SRP54: variants seen among roughly 807,000 people sequenced by gnomAD.
SRP54 encodes signal recognition particle 54, also known as signal recognition particle subunit SRP54.
A neutral mutation model predicts 64.8 loss-of-function variants in SRP54; 10 were observed. That is an observed-to-expected ratio of 0.15 (90% CI 0.10 to 0.26). The LOEUF is 0.26. Ranked by LOEUF, SRP54 falls within the 10% of genes least tolerant of loss-of-function variation. The pLI is 1.00. For missense variants in SRP54, 325 were observed against 613.7 expected, an observed-to-expected ratio of 0.53 and a Z score of 4.97; for synonymous variants, 193 against 185.6, an observed-to-expected ratio of 1.04 and a Z score of -0.32.
chr14:35,025,159 T>C (rs1286291255), intron 14 of SRP54, among the ~76,000 whole-genome samples: 3 of 152,242 alleles, frequency 2.0e-5, no homozygotes, highest in African/African-American at 4.8e-5. Context: ...GTCCTCTTTT[T>C]GATTTTTTTC....
Position 35,016,831 on chromosome 14 carries a change from CT to C in SRP54, c.974-1853del, listed in dbSNP as rs1196419256. Among the ~76,000 whole-genome samples the C allele has an allele frequency of 1.1e-3, 79 of 73,286 alleles. 1 individual carries two copies. Among genetic ancestry groups the C allele is most frequent in the Admixed American group, 5.9e-3 (42 of 7,164 alleles). The allele number at this position is 73,286 out of a possible 152,430, so 48.1% of individuals were successfully genotyped here. ...TCCTTTGTTGCCTGTCTCTTTGCCC[CT>C]TTTTTTTCTTTTCTTTTTTTTTTTT... On this transcript the variant is annotated intron_variant, in intron 11 of 15. Transcript: ENST00000216774.
chr14:35,013,064 C>T (rs1477885628), intron 8 of SRP54, among the ~76,000 whole-genome samples: 2 of 151,564 alleles, frequency 1.3e-5, no homozygotes, highest in Non-Finnish European at 2.9e-5. Context: ...CTGCCTGAGC[C>T]TCTCAAGTAG....
Position 35,023,073 on chromosome 14 carries a change from T to G in SRP54, c.1320T>G (p.Leu440=). 1 of 1,599,352 alleles carries G rather than the reference T, an allele frequency of 6.3e-7. No homozygotes were observed. Among genetic ancestry groups the G allele is most frequent in the South Asian group, 1.1e-5 (1 of 88,554 alleles). The change falls in exon 14 of 16, where the codon CTT becomes CTG. Residue 440 remains leucine, a synonymous_variant. Transcript: ENST00000216774. ...MVKKMGGIKG[L]FKGGDMSKNV... is the part of the protein sequence containing the mutation. The stretch of plus-strand genomic sequence containing the variant: ...AAAAGATGGGAGGTATCAAAGGACT[T>G]TTCAAAGGTAAGAAAAATAAGCTTG...
At chr14:34,999,195 A>G (rs1402228887) in intron 2 of SRP54, among the ~76,000 whole-genome samples, 1 of 151,448 alleles carries the variant, frequency 6.6e-6, no homozygotes. Flanking sequence ...TTGTATTTTT[A>G]GTAGAGATGA....
chr14:35,011,720 G>T, intron 8 of SRP54, 61 bp downstream of exon 8: 2 of 1,374,348 alleles, frequency 1.5e-6, no homozygotes, highest in Non-Finnish European at 1.9e-6. Context: ...TATAAAACCA[G>T]GTTGAGTATA....
chr14:35,014,360 T>G (rs1216727917), intron 10 of SRP54, among the ~76,000 whole-genome samples: 1 of 149,140 alleles, frequency 6.7e-6, no homozygotes, highest in Non-Finnish European at 1.5e-5. Context: ...TCACTGCACC[T>G]TCAGCCTCCC....
At position 34,988,578 on chromosome 14, in the gene SRP54, A is replaced by AAAAAAAT. The variant is rs1384552218; in HGVS notation, c.-34+5364_-34+5365insAAAAATA. 5.9e-4 allele frequency among the ~76,000 whole-genome samples: 28 copies of AAAAAAAT among 47,100 alleles called. 2 individuals carry two copies. Among genetic ancestry groups the AAAAAAAT allele is most frequent in the Non-Finnish European group, 8.1e-4 (17 of 20,872 alleles). 30.9% of individuals were successfully genotyped at this position (47,100 alleles called of 152,430 possible). Reference sequence around the variant, plus strand: ...TCCATCTCAAAAAAAAAAAAAAAAAAATATATATATATATATAACATATAT... The same window carrying AAAAAAAT: ...TCCATCTCAAAAAAAAAAAAAAAAAAAAAAAATATATATATATATATATAACATATAT... On this transcript the variant is annotated intron_variant, in intron 1 of 15. Transcript: ENST00000216774.
At chr14:35,009,785 C>T (rs1031428450) in intron 7 of SRP54, among the ~76,000 whole-genome samples, 5 of 151,882 alleles carry the variant, frequency 3.3e-5, no homozygotes, top group Admixed American at 1.3e-4. Flanking sequence ...CCCAGCACTT[C>T]GGGAGGCTGA....
intron 7 of SRP54, 140 bp from the exon 8 acceptor site, chr14:35,011,369 C>T: frequency 3.8e-6 from 2 of 531,518 alleles, no homozygotes; most frequent in South Asian, 1.1e-4. Context: ...GTATTTAATA[C>T]TTTATAGATT....
Position 35,002,896 on chromosome 14 carries a change from C to T in SRP54, c.255+1876C>T, listed in dbSNP as rs368405206. Among the ~76,000 whole-genome samples the T allele has an allele frequency of 8.6e-4, 131 of 152,040 alleles. 1 individual carries two copies. Among genetic ancestry groups the T allele is most frequent in the African/African-American group, 3.0e-3 (125 of 41,444 alleles). Reference sequence around the variant, plus strand: ...AAGTAGCTGGGGCTACAGGTACATGCCACCACGCCCAGCTAGTTTTTGCAT... The same window carrying T: ...AAGTAGCTGGGGCTACAGGTACATGTCACCACGCCCAGCTAGTTTTTGCAT... On this transcript the variant is annotated intron_variant, in intron 4 of 15. Transcript: ENST00000216774.
At chr14:34,999,369 A>T (rs1233406343) in intron 2 of SRP54, among the ~76,000 whole-genome samples, 189 bp from the exon 3 acceptor site, 2 of 152,040 alleles carry the variant, frequency 1.3e-5, no homozygotes, top group Non-Finnish European at 2.9e-5. Flanking sequence ...TGGGTGTAAA[A>T]CTAAATGGGG....
intron 9 of SRP54, 125 bp from the exon 10 acceptor site, chr14:35,013,677 A>G: frequency 1.8e-6 from 2 of 1,100,306 alleles, no homozygotes; most frequent in Non-Finnish European, 2.6e-6. Context: ...TAACTTGTGA[A>G]ATGAAACTTG....
chr14:34,991,123 T>TG lies in SRP54; in HGVS notation c.-33-5554_-33-5553insG, dbSNP rs1205169080. On this transcript the variant is annotated intron_variant, in intron 1 of 15. Transcript: ENST00000216774. ...AAATTTCTTTTCTTTTTTTTTTTTT[T>TG]TTTTTTGTTGTTGTTGTTGTTGTTG... Among the ~76,000 whole-genome samples, 759 of 136,758 alleles carry TG rather than the reference T, an allele frequency of 5.5e-3. 8 individuals are homozygous for TG. Among genetic ancestry groups the TG allele is most frequent in the African/African-American group, 0.017 (678 of 38,818 alleles). The allele number at this position is 136,758 out of a possible 152,430, so 89.7% of individuals were successfully genotyped here. A position where few individuals can be genotyped will look rare whatever the true frequency, so the allele number is the denominator to read the frequency against.
At chr14:35,001,268 C>A (rs1412292664) in intron 4 of SRP54, among the ~76,000 whole-genome samples, 2 of 150,816 alleles carry the variant, frequency 1.3e-5, no homozygotes, top group African/African-American at 4.9e-5. Context: ...TCTCCTGCCT[C>A]AGCCTCCCGA....
At chr14:35,024,901 A>AT (rs1271923573) in intron 14 of SRP54, among the ~76,000 whole-genome samples, 1 of 151,894 alleles carries the variant, frequency 6.6e-6, no homozygotes, top group East Asian at 1.9e-4. Flanking sequence ...TAATTTTTGT[A>AT]TTTTTAGTAG....
intron 1 of SRP54, among the ~76,000 whole-genome samples, chr14:34,984,337 A>T (rs960516890): frequency 6.6e-6 from 1 of 152,152 alleles, no homozygotes; most frequent in East Asian, 1.9e-4. Context: ...AAAAGCTCCT[A>T]TCTCTTTGGT....
chr14:35,020,205 T>G (rs534202602), intron 13 of SRP54, among the ~76,000 whole-genome samples: 4 of 151,948 alleles, frequency 2.6e-5, no homozygotes, highest in Non-Finnish European at 5.9e-5. Context: ...AATAAAAAAA[T>G]ATAGTTTATT....
At chr14:35,021,982 A>C (rs1316867999) in intron 13 of SRP54, among the ~76,000 whole-genome samples, 1 of 152,218 alleles carries the variant, frequency 6.6e-6, no homozygotes, top group Non-Finnish European at 1.5e-5. Context: ...CAACTGCGGG[A>C]ATTAATTCAC....
chr14:35,018,581 A>G, intron 11 of SRP54, 111 bp from the exon 12 acceptor site: 1 of 814,844 alleles, frequency 1.2e-6, no homozygotes, highest in African/African-American at 1.7e-5. Flanking sequence ...TTATTGATGT[A>G]TATTTTATAA....
Sources: gnomAD v4.1 joint callset for allele counts (sites outside exome capture counted in the v4.1 genomes callset) on GRCh38, gnomAD v4.1.1 for gene constraint, MANE v1.5 for transcripts, NCBI Gene and HGNC (gene_info 2026-07-23, HGNC 2026-07-21) for gene names.